The following PLEKHA4 variants were observed in gnomAD, a reference collection of about 807,000 sequenced individuals.
PLEKHA4 encodes pleckstrin homology domain containing A4, also known as pleckstrin homology domain-containing family A member 4.
A neutral mutation model predicts 94.7 loss-of-function variants in PLEKHA4; 73 were observed. The observed-to-expected ratio is 0.77, with a 90% confidence interval of 0.64 to 0.94. The LOEUF is 0.94. Ranked by LOEUF, PLEKHA4 falls within the 40% of genes least tolerant of loss-of-function variation. The pLI is 0.00. For synonymous variants in PLEKHA4, 449 were observed against 437.1 expected (o/e 1.03, Z -0.34); for missense variants, 1,049 against 1,054.1 (o/e 1.00, Z 0.07).
At chr19:48,859,194 C>G in intron 7 of PLEKHA4, 55 bp from the exon 8 acceptor site, 2 of 1,319,642 alleles carry the variant, frequency 1.5e-6, no homozygotes, top group Non-Finnish European at 2.1e-6. Flanking sequence ...CTCCATCCAC[C>G]TCCTTACCCA....
At chr19:48,862,058 G>A (rs1408662518) in intron 3 of PLEKHA4, among the ~76,000 whole-genome samples, 1 of 151,844 alleles carries the variant, frequency 6.6e-6, no homozygotes, top group Non-Finnish European at 1.5e-5. Context: ...GCCTGGGAGT[G>A]GGGTGGAGGC....
intron 9 of PLEKHA4, among the ~76,000 whole-genome samples, chr19:48,854,667 T>TA: frequency 6.6e-6 from 1 of 150,472 alleles, no homozygotes; most frequent in African/African-American, 2.4e-5. Context: ...GCTGGGATTA[T>TA]AGGCATGCAC....
chr19:48,866,921 C>A (rs1268639219), intron 2 of PLEKHA4, among the ~76,000 whole-genome samples: 3 of 152,172 alleles, frequency 2.0e-5, no homozygotes, highest in African/African-American at 7.2e-5. Context: ...AGCCTCATCT[C>A]CTGATGCCCA....
rs2036579257 is a variant in PLEKHA4, at chr19:48,860,152, T to C, written c.476+198A>G. On this transcript the variant is annotated intron_variant, in intron 6 of 19. Transcript: ENST00000263265. ...AGCTTGGGGGCGGGGACGGACAAGG[T>C]GGTGGGCGGAACTTAAGGGAGAAAG... 6.8e-6 allele frequency: 4 copies of C among 591,900 alleles called. No homozygotes were observed. The East Asian group carries it at 8.4e-5, about 12-fold the overall frequency. 36.7% of individuals were successfully genotyped at this position (591,900 alleles called of 1,614,324 possible). A position where few individuals can be genotyped will look rare whatever the true frequency, so the allele number is the denominator to read the frequency against.
chr19:48,858,931 G>A lies in PLEKHA4; in HGVS notation c.901C>T (p.Pro301Ser), dbSNP rs763348951. 3.1e-6 allele frequency: 5 copies of A among 1,601,722 alleles called. No homozygotes were observed. Among genetic ancestry groups the A allele is most frequent in the African/African-American group, 2.7e-5 (2 of 74,012 alleles). Residue 301 changes from proline (P) to serine (S), a missense_variant, in exon 8 of 20, where the codon CCT (proline) becomes TCT (serine). Physicochemically the swap from Pro to Ser is moderately conservative, Grantham distance 74. Coordinates refer to ENST00000263265, the MANE Select transcript of PLEKHA4 (RefSeq NM_020904.3). ...TTTCCTCCCCCAGCCTCAGAGGGAG[G>A]TCCTCGGCGGGGAGTAGGGGGTCGG... is the stretch of plus-strand genomic sequence containing the variant. The part of the protein sequence containing the change: ...LSRPPTPRRG[P>S]PSEAGGGKPP...
chr19:48,858,750 T>C (rs2123106618), intron 8 of PLEKHA4, 110 bp downstream of exon 8: 1 of 1,241,624 alleles, frequency 8.1e-7, no homozygotes, highest in South Asian at 1.3e-5. Context: ...GAGATCATTA[T>C]GGACTACAAT....
At chr19:48,866,957 G>A (rs1157345543) in intron 2 of PLEKHA4, among the ~76,000 whole-genome samples, 3 of 152,174 alleles carry the variant, frequency 2.0e-5, no homozygotes, top group African/African-American at 7.2e-5. Context: ...TCCTTAGCCA[G>A]GTCCCGACAA....
rs776008324 is a variant in PLEKHA4, at chr19:48,841,142, C to T, written c.1905+7G>A. ...CCACCGCCCAGCCCCAGCCCTCCTC[C>T]CCTCACCCTTTGCTCCACGTCAGGC... On this transcript the variant is annotated splice_region_variant and intron_variant, in intron 17 of 19. Coordinates refer to ENST00000263265, the MANE Select transcript of PLEKHA4 (RefSeq NM_020904.3). The T allele has an allele frequency of 3.7e-6, 6 of 1,605,118 alleles. No homozygotes were observed. Among genetic ancestry groups the T allele is most frequent in the Non-Finnish European group, 5.1e-6 (6 of 1,176,032 alleles).
In PLEKHA4 at chr19:48,852,263, T is replaced by C. The variant is rs1481752160; in HGVS notation, c.1390A>G (p.Thr464Ala). ...LEQELGTLRE[T>A]LEYLLHLGSP... ...CCAAGGTGCAGCAGGTACTCCAGCGTCTCTCTTAAGGTGCCCAGCTCCTGC... is the reference window on the plus strand; with the variant it reads ...CCAAGGTGCAGCAGGTACTCCAGCGCCTCTCTTAAGGTGCCCAGCTCCTGC... Residue 464 changes from threonine (T) to alanine (A), a missense_variant, in exon 13 of 20, where the codon ACG becomes GCG. Transcript: ENST00000263265. The C allele has an allele frequency of 6.2e-7, 1 of 1,613,908 alleles. No homozygotes were observed. The highest frequency in any genetic ancestry group is 8.5e-7 in the Non-Finnish European group (1 of 1,180,028).
chr19:48,840,218 C>A (rs1308219364), intron 17 of PLEKHA4, among the ~76,000 whole-genome samples: 2 of 151,912 alleles, frequency 1.3e-5, no homozygotes, highest in Non-Finnish European at 2.9e-5. Flanking sequence ...AGCTCGACAC[C>A]AGCCTGGCCA....
chr19:48,857,433 TG>T lies in PLEKHA4; in HGVS notation c.1035del (p.Met346TrpfsTer23). The T allele has an allele frequency of 6.5e-7, 1 of 1,539,724 alleles. No individual in the cohort carries two copies. The highest frequency in any genetic ancestry group is 8.8e-7 in the Non-Finnish European group (1 of 1,142,828). On this transcript the variant is annotated frameshift_variant, in exon 9 of 20. Coordinates refer to ENST00000263265, the MANE Select transcript of PLEKHA4 (RefSeq NM_020904.3). LOFTEE classifies it high-confidence loss of function. ...LPPRPPGTRA[S>X]MVLLPGPPLE... is the part of the protein sequence containing the mutation. Reference sequence around the variant, plus strand: ...TCCAGGATACCTACCAATAAAACCATGGAGGCCCGGGTCCCAGGGGGCCGCG... The same window carrying T: ...TCCAGGATACCTACCAATAAAACCATGAGGCCCGGGTCCCAGGGGGCCGCG...
At chr19:48,853,540 G>A (rs2123043210) in intron 12 of PLEKHA4, 142 bp downstream of exon 12, 1 of 919,954 alleles carries the variant, frequency 1.1e-6, no homozygotes, top group Non-Finnish European at 1.5e-6. Flanking sequence ...AGACAATGAG[G>A]AGAGAGAAAA....
intron 16 of PLEKHA4, among the ~76,000 whole-genome samples, chr19:48,842,985 C>T (rs929847225): frequency 6.6e-6 from 1 of 152,116 alleles, no homozygotes; most frequent in African/African-American, 2.4e-5. Flanking sequence ...TGAAACCACC[C>T]GGTTGGGGTG....
Position 48,867,737 on chromosome 19 carries a change from C to T in PLEKHA4, c.-6-111G>A, listed in dbSNP as rs2036883176. ...GCTGCAGAGAAAGAGCCTGTTGTTTCGGGACTTGGGGGGCTGGGGGAGGCC... is the reference window on the plus strand; with the variant it reads ...GCTGCAGAGAAAGAGCCTGTTGTTTTGGGACTTGGGGGGCTGGGGGAGGCC... On this transcript the variant is annotated intron_variant, in intron 1 of 19. Transcript: ENST00000263265. This position sits in a 1 kb window ranked among gnomAD's most constrained non-coding sequence, Gnocchi z 4.7. The T allele has an allele frequency of 6.7e-6, 7 of 1,037,738 alleles. No homozygotes were observed. Among genetic ancestry groups the T allele is most frequent in the East Asian group, 2.6e-5 (1 of 38,082 alleles). The allele number at this position is 1,037,738 out of a possible 1,614,324, so 64.3% of individuals were successfully genotyped here.
intron 9 of PLEKHA4, among the ~76,000 whole-genome samples, chr19:48,855,062 C>G (rs6509406): frequency 0.18 from 26,875 of 151,956 alleles, 3,407 homozygotes; most frequent in African/African-American, 0.36. Flanking sequence ...AGACCAACTT[C>G]CACATTCTTG....
chr19:48,854,644 G>A (rs904352013), intron 9 of PLEKHA4, among the ~76,000 whole-genome samples: 14 of 150,896 alleles, frequency 9.3e-5, no homozygotes, highest in Admixed American at 6.0e-4. Context: ...CTCCTGCCTC[G>A]GCCTCCCAAA....
At chr19:48,838,675 G>A (rs1319007512) in intron 18 of PLEKHA4, among the ~76,000 whole-genome samples, 3 of 150,306 alleles carry the variant, frequency 2.0e-5, no homozygotes, top group African/African-American at 7.4e-5. Context: ...GCTGAGGAAG[G>A]AGAATCATTT....
At chr19:48,865,883 G>A (rs1384064403) in intron 2 of PLEKHA4, among the ~76,000 whole-genome samples, 3 of 151,778 alleles carry the variant, frequency 2.0e-5, no homozygotes, top group Non-Finnish European at 2.9e-5. Flanking sequence ...GCGTGGTGGC[G>A]GGCGCCTGTA....
At position 48,859,642 on chromosome 19, in the gene PLEKHA4, G is replaced by A; in HGVS notation, c.519C>T (p.Gly173=). ...RSPARPQPGE[G]PGGPGGPPEV... ...CCGGGGGACCACCGGGGCCGCCGGGGCCCTCCCCGGGCTGGGGTCGTGCAG... is the reference window on the plus strand; with the variant it reads ...CCGGGGGACCACCGGGGCCGCCGGGACCCTCCCCGGGCTGGGGTCGTGCAG... Residue 173 remains glycine (G), a synonymous_variant, in exon 7 of 20, where the codon GGC becomes GGT. Transcript: ENST00000263265. 1 of 1,612,492 alleles carries A rather than the reference G, an allele frequency of 6.2e-7. No homozygotes were observed. Among genetic ancestry groups the A allele is most frequent in the Non-Finnish European group, 8.5e-7 (1 of 1,179,940 alleles).
Sources: gnomAD v4.1 joint callset for allele counts (sites outside exome capture counted in the v4.1 genomes callset) on GRCh38, gnomAD v4.1.1 for gene constraint, Gnocchi (gnomAD v3.1) non-coding constraint, MANE v1.5 for transcripts, NCBI Gene and HGNC (gene_info 2026-07-23, HGNC 2026-07-21) for gene names.